Variants in TBC1D5 observed in about 807,000 individuals in gnomAD.
The protein encoded by TBC1D5 is TBC1 domain family, member 5.
Under a neutral mutation model 100.3 loss-of-function variants are expected in TBC1D5, and 75 were observed. The observed-to-expected ratio is 0.75, with a 90% CI of 0.62 to 0.91. TBC1D5 has a LOEUF of 0.91. Ranked by LOEUF, TBC1D5 falls within the 40% of genes least tolerant of loss-of-function variation. The pLI is 0.00. For synonymous variants in TBC1D5, 323 were observed against 325.6 expected, an observed-to-expected ratio of 0.99 and a Z score of 0.09; for missense variants, 910 against 942.4, an observed-to-expected ratio of 0.97 and a Z score of 0.45.
At chr3:17,412,688 T>G (rs933481665) in intron 4 of TBC1D5, among the ~76,000 whole-genome samples, 1 of 152,160 alleles carries the variant, frequency 6.6e-6, no homozygotes, top group Non-Finnish European at 1.5e-5. Flanking sequence ...GACCCACTTA[T>G]GATATAATAT....
intron 20 of TBC1D5, among the ~76,000 whole-genome samples, 191 bp from the exon 22 acceptor site, chr3:17,167,119 T>C (rs2066698072): frequency 6.6e-6 from 1 of 152,182 alleles, no homozygotes; most frequent in Non-Finnish European, 1.5e-5. Flanking sequence ...GGCTTAGCAG[T>C]GAGCAAGAAA....
intron 1 of TBC1D5, among the ~76,000 whole-genome samples, chr3:17,624,360 C>A (rs959226609): frequency 6.6e-6 from 1 of 152,088 alleles, no homozygotes; most frequent in African/African-American, 2.4e-5. Context: ...ATTTTTGTCA[C>A]AACGAAGGAC....
intron 1 of TBC1D5, among the ~76,000 whole-genome samples, chr3:17,729,018 A>T: frequency 8.2e-6 from 1 of 122,514 alleles, no homozygotes; most frequent in Non-Finnish European, 1.6e-5. Context: ...AAAATCAGTA[A>T]AAAAAAAAAA....
chr3:17,393,144 C>T (rs1029683010), intron 8 of TBC1D5, among the ~76,000 whole-genome samples: 51 of 151,854 alleles, frequency 3.4e-4, no homozygotes, highest in African/African-American at 9.9e-4. Flanking sequence ...GTTTGTTGGC[C>T]GCATAAATGT....
intron 17 of TBC1D5, among the ~76,000 whole-genome samples, chr3:17,218,413 G>T (rs2073902613): frequency 6.6e-6 from 1 of 151,878 alleles, no homozygotes; most frequent in African/African-American, 2.4e-5. Flanking sequence ...GATCAATTTG[G>T]TAGTACTGCC....
At chr3:17,519,398 A>G (rs555594859) in intron 2 of TBC1D5, among the ~76,000 whole-genome samples, 1 of 152,310 alleles carries the variant, frequency 6.6e-6, no homozygotes, top group East Asian at 1.9e-4. Context: ...TCTGCAAGGC[A>G]CTACTGTTCT....
intron 2 of TBC1D5, among the ~76,000 whole-genome samples, chr3:17,618,413 GA>G (rs1382247659): frequency 6.6e-6 from 1 of 152,208 alleles, no homozygotes; most frequent in African/African-American, 2.4e-5. Context: ...GCTGTGCTGG[GA>G]GAACCACTGC....
chr3:17,735,628 A>G (rs2076904055), intron 1 of TBC1D5, among the ~76,000 whole-genome samples: 2 of 152,238 alleles, frequency 1.3e-5, no homozygotes, highest in Admixed American at 1.3e-4. Context: ...ACAGAAGAGA[A>G]CCATGGAACC....
At chr3:17,573,166 T>C (rs2096637761) in intron 2 of TBC1D5, among the ~76,000 whole-genome samples, 1 of 152,018 alleles carries the variant, frequency 6.6e-6, no homozygotes, top group Admixed American at 6.6e-5. Context: ...TTGTATTCTC[T>C]TGTAGGGATG....
At chr3:17,483,382 G>T (rs1004133750) in intron 3 of TBC1D5, among the ~76,000 whole-genome samples, 2 of 152,068 alleles carry the variant, frequency 1.3e-5, no homozygotes, top group Admixed American at 1.3e-4. Context: ...TCTACAGAAG[G>T]TCTAAATGAA....
At chr3:17,596,096 C>T (rs549624356) in intron 2 of TBC1D5, among the ~76,000 whole-genome samples, 21 of 152,194 alleles carry the variant, frequency 1.4e-4, no homozygotes, top group Middle Eastern at 3.4e-3. Flanking sequence ...TTAGGAACAG[C>T]TTACTTCCAT....
chr3:17,197,273 C>A (rs2070820183), intron 18 of TBC1D5, among the ~76,000 whole-genome samples: 1 of 152,188 alleles, frequency 6.6e-6, no homozygotes, highest in Non-Finnish European at 1.5e-5. Flanking sequence ...CACTCTACCA[C>A]TTTTATTAGG....
At chr3:17,651,203 T>C (rs2065517117) in intron 1 of TBC1D5, among the ~76,000 whole-genome samples, 1 of 152,146 alleles carries the variant, frequency 6.6e-6, no homozygotes. Context: ...ATACATAACG[T>C]TTTCATTTAA....
chr3:17,258,606 A>G lies in TBC1D5; in HGVS notation c.1246-15T>C, dbSNP rs1253389340. On this transcript the variant is annotated splice_polypyrimidine_tract_variant and intron_variant, in intron 15 of 21. Coordinates refer to ENST00000253692, the Ensembl canonical transcript of TBC1D5. Reference sequence around the variant, plus strand: ...CTTGGATTTCTCTAAAAAAAAATACATTTTTAAAAAGCTAGTTAAATGATT... The same window carrying G: ...CTTGGATTTCTCTAAAAAAAAATACGTTTTTAAAAAGCTAGTTAAATGATT... 6.2e-7 allele frequency: 1 copy of G among 1,601,046 alleles called. No homozygotes were observed. Among genetic ancestry groups the G allele is most frequent in the Non-Finnish European group, 8.5e-7 (1 of 1,170,336 alleles).
chr3:17,300,113 G>A (rs1425000704), intron 14 of TBC1D5, among the ~76,000 whole-genome samples: 1 of 152,096 alleles, frequency 6.6e-6, no homozygotes, highest in South Asian at 2.1e-4. Flanking sequence ...GAAACATGAG[G>A]AGACTGTTAA....
At chr3:17,322,563 C>T (rs2085553882) in intron 13 of TBC1D5, among the ~76,000 whole-genome samples, 1 of 152,136 alleles carries the variant, frequency 6.6e-6, no homozygotes, top group Non-Finnish European at 1.5e-5. Flanking sequence ...AACCACAGAG[C>T]AGGAAGGAGA....
intron 8 of TBC1D5, among the ~76,000 whole-genome samples, chr3:17,384,600 C>CTAG (rs1189085158): frequency 3.9e-5 from 6 of 151,980 alleles, no homozygotes; most frequent in Middle Eastern, 3.4e-3. Context: ...GGAATGTCAT[C>CTAG]TAGTAGTAGT....
chr3:17,668,646 C>T (rs917508625), intron 1 of TBC1D5, among the ~76,000 whole-genome samples: 1 of 152,088 alleles, frequency 6.6e-6, no homozygotes, highest in African/African-American at 2.4e-5. Context: ...CATCCATAGG[C>T]CACTTCCAGT....
chr3:17,694,113 G>A (rs571094609), intron 1 of TBC1D5, among the ~76,000 whole-genome samples: 4 of 152,192 alleles, frequency 2.6e-5, no homozygotes, highest in African/African-American at 9.6e-5. Flanking sequence ...AAGACCAAAG[G>A]TGGATAAAAT....
Sources: allele counts gnomAD v4.1 joint callset (sites outside exome capture counted in the v4.1 genomes callset), GRCh38; gene constraint gnomAD v4.1.1; transcripts MANE v1.5; gene names NCBI Gene and HGNC (gene_info 2026-07-23, HGNC 2026-07-21).